The following WDPCP variants were observed in gnomAD, a reference collection of about 807,000 sequenced individuals.
WDPCP encodes the protein WD repeat-containing and planar cell polarity effector protein fritz homolog.
Under a neutral mutation model 93.1 loss-of-function variants are expected in WDPCP, and 71 were observed. The observed-to-expected ratio is 0.76, with a 90% CI of 0.63 to 0.93. The LOEUF is 0.93. Among genes scored for constraint, WDPCP ranks in the 40% least tolerant of loss-of-function variants. The pLI is 0.00. For synonymous variants in WDPCP, 315 were observed against 315.0 expected (o/e 1.00, Z 0.00); for missense variants, 844 against 887.4 (o/e 0.95, Z 0.62).
At position 63,452,266 on chromosome 2, in the gene WDPCP, G is replaced by A. The variant is rs148271720; in HGVS notation, c.385-12395C>T. Among the ~76,000 whole-genome samples the A allele has an allele frequency of 1.9e-3, 290 of 152,232 alleles. 2 individuals are homozygous for A. Among genetic ancestry groups the A allele is most frequent in the African/African-American group, 6.2e-3 (259 of 41,534 alleles). ...AAGTCTCAGGATACAAAATCAATGT[G>A]CAAAAATCACAAGCATTCTTATGCA... On this transcript the variant is annotated intron_variant, in intron 6 of 17. Transcript: ENST00000272321.
intron 3 of WDPCP, among the ~76,000 whole-genome samples, chr2:63,613,623 G>A (rs1378463814): frequency 6.6e-6 from 1 of 152,196 alleles, no homozygotes; most frequent in East Asian, 1.9e-4. Context: ...GGGAGCATGG[G>A]TGCTAAAAGG....
At chr2:63,732,667 A>C (rs1345479160) in intron 2 of WDPCP, among the ~76,000 whole-genome samples, 1 of 152,206 alleles carries the variant, frequency 6.6e-6, no homozygotes, top group Non-Finnish European at 1.5e-5. Context: ...AAAATGTTTT[A>C]TTTATTTAAG....
At chr2:63,299,115 C>G (rs940059241) in intron 13 of WDPCP, among the ~76,000 whole-genome samples, 2 of 152,176 alleles carry the variant, frequency 1.3e-5, no homozygotes, top group Non-Finnish European at 2.9e-5. Context: ...TTCCACACGT[C>G]AGCACCTGAA....
chr2:63,667,590 C>T (rs1710298371), intron 2 of WDPCP, among the ~76,000 whole-genome samples: 1 of 152,074 alleles, frequency 6.6e-6, no homozygotes, highest in African/African-American at 2.4e-5. Flanking sequence ...AGTTTCTCTC[C>T]CTGTTATCAT....
At chr2:63,540,453 A>G (rs1558779131) in intron 1 of WDPCP, among the ~76,000 whole-genome samples, 1 of 152,168 alleles carries the variant, frequency 6.6e-6, no homozygotes, top group Non-Finnish European at 1.5e-5. Flanking sequence ...GAGTAATGAG[A>G]GCAACTTGTT....
intron 10 of WDPCP, among the ~76,000 whole-genome samples, chr2:63,392,219 G>A (rs1575312142): frequency 6.6e-6 from 1 of 151,954 alleles, no homozygotes; most frequent in South Asian, 2.1e-4. Context: ...CAGAGGCCTT[G>A]GAAATAACAC....
At chr2:63,439,448 G>A (rs1188130312) in intron 7 of WDPCP, among the ~76,000 whole-genome samples, 3 of 151,940 alleles carry the variant, frequency 2.0e-5, no homozygotes, top group African/African-American at 7.3e-5. Flanking sequence ...TATTTGAAGT[G>A]CCAGTTATAG....
At chr2:63,514,071 T>C (rs1013083288) in intron 1 of WDPCP, among the ~76,000 whole-genome samples, 1 of 152,102 alleles carries the variant, frequency 6.6e-6, no homozygotes, top group African/African-American at 2.4e-5. Flanking sequence ...AAATTAAAAT[T>C]TTAAAAATGA....
At chr2:63,381,581 C>T (rs915313842) in intron 11 of WDPCP, among the ~76,000 whole-genome samples, 4 of 152,072 alleles carry the variant, frequency 2.6e-5, no homozygotes, top group African/African-American at 7.2e-5. Context: ...GCAGACCCCA[C>T]GGAGTACATG....
intron 12 of WDPCP, among the ~76,000 whole-genome samples, chr2:63,353,401 A>G (rs928757444): frequency 2.6e-5 from 4 of 152,196 alleles, no homozygotes; most frequent in Non-Finnish European, 5.9e-5. Flanking sequence ...CCACTTCCAC[A>G]GCACCTCAAA....
chr2:63,783,479 A>T (rs1339173307), intron 2 of WDPCP, among the ~76,000 whole-genome samples: 1 of 152,206 alleles, frequency 6.6e-6, no homozygotes, highest in Non-Finnish European at 1.5e-5. Context: ...TCATATGTTT[A>T]TTGCAGCTCT....
intron 9 of WDPCP, among the ~76,000 whole-genome samples, chr2:63,424,111 G>A (rs915898126): frequency 6.6e-6 from 1 of 152,042 alleles, no homozygotes; most frequent in African/African-American, 2.4e-5. Flanking sequence ...ACGCTCTCTC[G>A]CCGCTTACCT....
At chr2:63,594,176 AGG>A in intron 3 of WDPCP, 1 of 499,266 alleles carries the variant, frequency 2.0e-6, no homozygotes, top group Non-Finnish European at 4.0e-6. Flanking sequence ...AGTGGCTGCC[AGG>A]GTTTGGATCA....
At chr2:63,549,999 A>G (rs1705460737) in intron 1 of WDPCP, among the ~76,000 whole-genome samples, 1 of 151,950 alleles carries the variant, frequency 6.6e-6, no homozygotes, top group South Asian at 2.1e-4. Context: ...ACCTTTCTGC[A>G]GTACTCTCTG....
At chr2:63,343,504 TATA>T (rs1311951042) in intron 12 of WDPCP, among the ~76,000 whole-genome samples, 3 of 152,196 alleles carry the variant, frequency 2.0e-5, no homozygotes, top group Non-Finnish European at 4.4e-5. Flanking sequence ...TGGTTTTGAT[TATA>T]ATGTGTTTTG....
intron 6 of WDPCP, among the ~76,000 whole-genome samples, chr2:63,451,429 A>C (rs976833455): frequency 7.9e-5 from 12 of 152,172 alleles, no homozygotes; most frequent in Admixed American, 1.3e-4. Flanking sequence ...CAATAACAGG[A>C]TCTGAAATTG....
intron 2 of WDPCP, among the ~76,000 whole-genome samples, chr2:63,661,682 T>A (rs1368720144): frequency 6.6e-6 from 1 of 152,224 alleles, no homozygotes; most frequent in East Asian, 1.9e-4. Flanking sequence ...TAAATAGCTA[T>A]ACACTGACAT....
At chr2:63,217,580 C>T (rs1677459619) in intron 14 of WDPCP, among the ~76,000 whole-genome samples, 2 of 152,066 alleles carry the variant, frequency 1.3e-5, no homozygotes, top group South Asian at 2.1e-4. Context: ...ATTCTTGAGA[C>T]CAACAAATAA....
At chr2:63,744,927 AAAT>A (rs1291909451) in intron 2 of WDPCP, among the ~76,000 whole-genome samples, 2 of 152,172 alleles carry the variant, frequency 1.3e-5, no homozygotes, top group Non-Finnish European at 2.9e-5. Flanking sequence ...CTTATTTTAA[AAAT>A]AATAATCACG....
Sources: gnomAD v4.1 joint callset for allele counts (sites outside exome capture counted in the v4.1 genomes callset) on GRCh38, gnomAD v4.1.1 for gene constraint, MANE v1.5 for transcripts, NCBI Gene and HGNC (gene_info 2026-07-23, HGNC 2026-07-21) for gene names.